Variants in MCTP1 observed in about 807,000 individuals in gnomAD.
MCTP1 encodes multiple C2 and transmembrane domain-containing protein 1.
MCTP1 carries 69 observed loss-of-function variants against 120.6 expected under a neutral mutation model. The ratio of observed to expected loss-of-function variants is 0.57; its 90% CI spans 0.47 to 0.70. The LOEUF is 0.70. MCTP1 is among the 30% of genes least tolerant of loss of function. The probability of loss-of-function intolerance (pLI) is 0.00; values close to 1 mark genes in which losing one functional copy is unlikely to be tolerated. For synonymous variants in MCTP1, 529 were observed against 493.1 expected, an observed-to-expected ratio of 1.07 and a Z score of -0.96; for missense variants, 1,203 against 1,248.8, an observed-to-expected ratio of 0.96 and a Z score of 0.55.
chr5:95,063,749 A>G (rs1288131483), intron 1 of MCTP1, among the ~76,000 whole-genome samples: 2 of 152,146 alleles, frequency 1.3e-5, no homozygotes, highest in African/African-American at 4.8e-5. Flanking sequence ...GGCATGCAGC[A>G]CCACACCTGG....
At chr5:95,061,269 G>C (rs939699545) in intron 1 of MCTP1, among the ~76,000 whole-genome samples, 1 of 150,354 alleles carries the variant, frequency 6.7e-6, no homozygotes, top group Non-Finnish European at 1.5e-5. Context: ...ATAAATAAGG[G>C]AAAAACATAA....
intron 2 of MCTP1, among the ~76,000 whole-genome samples, 172 bp downstream of exon 2, chr5:95,017,195 C>T (rs1863432): frequency 0.019 from 2,825 of 152,218 alleles, 83 homozygotes; most frequent in African/African-American, 0.065. Flanking sequence ...ATCAAAACGT[C>T]TTCCACCATG....
At chr5:95,120,544 C>T (rs1230165032) in intron 1 of MCTP1, among the ~76,000 whole-genome samples, 1 of 152,094 alleles carries the variant, frequency 6.6e-6, no homozygotes, top group Non-Finnish European at 1.5e-5. Context: ...GCAAATCAAA[C>T]AATGGGATGC....
chr5:95,261,707 C>T (rs1758484876), intron 1 of MCTP1, among the ~76,000 whole-genome samples: 1 of 152,354 alleles, frequency 6.6e-6, no homozygotes, highest in Admixed American at 6.5e-5. Flanking sequence ...CTAAAATTTA[C>T]AGATCTCTTC....
intron 1 of MCTP1, among the ~76,000 whole-genome samples, chr5:95,206,335 G>T (rs962775685): frequency 6.6e-6 from 1 of 152,118 alleles, no homozygotes; most frequent in African/African-American, 2.4e-5. Flanking sequence ...ACAGATTAGT[G>T]GTTGCCTAGG....
At chr5:94,822,867 G>A (rs1786002277) in intron 17 of MCTP1, among the ~76,000 whole-genome samples, 1 of 152,188 alleles carries the variant, frequency 6.6e-6, no homozygotes. Context: ...TTTGAAAAGT[G>A]TCTGTTCATA....
At position 94,917,987 on chromosome 5, in the gene MCTP1, A is replaced by G. The variant is rs772054301; in HGVS notation, c.1273-14T>C. ...CCTGCCGCACGTCTGGATGGAAATG[A>G]ATGATCAGAGCTGTACGGGGAAGCT... is the stretch of plus-strand genomic sequence containing the variant. On this transcript the variant is annotated splice_polypyrimidine_tract_variant and intron_variant, in intron 7 of 22. Transcript: ENST00000515393. The G allele has an allele frequency of 4.3e-6, 7 of 1,609,842 alleles. No individual in the cohort carries two copies. In the South Asian group the frequency reaches 7.7e-5, roughly 18 times the overall value.
intron 19 of MCTP1, among the ~76,000 whole-genome samples, chr5:94,743,829 CGG>C (rs1169043483): frequency 3.3e-5 from 5 of 151,032 alleles, no homozygotes; most frequent in African/African-American, 1.2e-4. Flanking sequence ...TTAGTAGAGA[CGG>C]GGTTTCACCA....
chr5:95,174,267 G>C (rs916590011), intron 1 of MCTP1, among the ~76,000 whole-genome samples: 8 of 152,180 alleles, frequency 5.3e-5, no homozygotes, highest in African/African-American at 1.7e-4. Flanking sequence ...CATATAAAAT[G>C]GCCCATCAAC....
Position 95,187,285 on chromosome 5 carries a change from T to A in MCTP1, c.720+96571A>T, listed in dbSNP as rs373224665. ...CTATTCAGCCATAAAAAGAATGAGA[T>A]CCTGTCATTTGCAACAACGTGGTTG... On this transcript the variant is annotated intron_variant, in intron 1 of 22. Coordinates refer to ENST00000515393, the MANE Select transcript of MCTP1 (RefSeq NM_024717.7). Among the ~76,000 whole-genome samples the A allele has an allele frequency of 1.1e-4, 16 of 152,262 alleles. 1 individual carries two copies. Among genetic ancestry groups the A allele is most frequent in the Admixed American group, 9.2e-4 (14 of 15,292 alleles).
At chr5:95,209,561 CA>C (rs1466679183) in intron 1 of MCTP1, among the ~76,000 whole-genome samples, 2 of 152,158 alleles carry the variant, frequency 1.3e-5, no homozygotes, top group African/African-American at 2.4e-5. Context: ...GATCCAGTCT[CA>C]ATTTACTCTT....
chr5:95,160,654 C>G (rs1292335393), intron 1 of MCTP1, among the ~76,000 whole-genome samples: 1 of 152,242 alleles, frequency 6.6e-6, no homozygotes, highest in East Asian at 1.9e-4. Context: ...AAACACTTAA[C>G]AGAGTGAAGA....
At chr5:95,276,650 G>A (rs879425554) in intron 1 of MCTP1, among the ~76,000 whole-genome samples, 13 of 150,998 alleles carry the variant, frequency 8.6e-5, no homozygotes, top group Non-Finnish European at 1.5e-4. Flanking sequence ...AGAAGTGCTA[G>A]GTACAAAAAA....
chr5:95,002,543 T>C (rs1174481885), intron 2 of MCTP1, among the ~76,000 whole-genome samples: 1 of 152,188 alleles, frequency 6.6e-6, no homozygotes, highest in Non-Finnish European at 1.5e-5. Flanking sequence ...AGGAGATCAT[T>C]TGGGAACATT....
chr5:94,959,194 G>A (rs1370151479), intron 2 of MCTP1, among the ~76,000 whole-genome samples: 1 of 152,082 alleles, frequency 6.6e-6, no homozygotes, highest in Non-Finnish European at 1.5e-5. Context: ...AATAGATGCA[G>A]AAAAGGCCTT....
chr5:95,072,824 C>A (rs902580342), intron 1 of MCTP1, among the ~76,000 whole-genome samples: 1 of 141,152 alleles, frequency 7.1e-6, no homozygotes, highest in Non-Finnish European at 1.5e-5. Flanking sequence ...CGGCTCACTG[C>A]AAGCTCTGCC....
intron 1 of MCTP1, among the ~76,000 whole-genome samples, chr5:95,061,467 G>A (rs947106393): frequency 4.0e-4 from 25 of 61,740 alleles, no homozygotes; most frequent in Admixed American, 1.6e-3. Flanking sequence ...ACGGAGTCTC[G>A]CTCTGTCTCC....
At chr5:95,009,724 G>A (rs1835541939) in intron 2 of MCTP1, among the ~76,000 whole-genome samples, 1 of 152,100 alleles carries the variant, frequency 6.6e-6, no homozygotes. Context: ...AAGTCACATA[G>A]CTAACAAAAT....
In MCTP1 at chr5:94,752,458, G is replaced by A. The variant is rs968820374; in HGVS notation, c.2610+26652C>T. On this transcript the variant is annotated intron_variant, in intron 19 of 22. Coordinates refer to ENST00000515393, the MANE Select transcript of MCTP1 (RefSeq NM_024717.7). ...CAGAGGTTAAGGGTCAAATAGGTAG[G>A]CTGAGTTTGCAAGTGCTTGAAGCTA... Among the ~76,000 whole-genome samples, 34 of 152,096 alleles carry A rather than the reference G, an allele frequency of 2.2e-4. No homozygotes were observed. In the South Asian group the frequency reaches 2.3e-3, roughly 10 times the overall value.
Sources: gnomAD v4.1 joint callset for allele counts (sites outside exome capture counted in the v4.1 genomes callset) on GRCh38, gnomAD v4.1.1 for gene constraint, MANE v1.5 for transcripts, NCBI Gene and HGNC (gene_info 2026-07-23, HGNC 2026-07-21) for gene names.